Variants in PUM1 observed in about 807,000 individuals in gnomAD.
PUM1 encodes pumilio RNA binding family member 1.
PUM1 carries 13 observed loss-of-function variants against 131.8 expected under a neutral mutation model. That is an observed-to-expected ratio of 0.10 (90% CI 0.06 to 0.16). The LOEUF (loss-of-function observed/expected upper bound fraction) is 0.16. Among genes scored for constraint, PUM1 ranks in the 10% least tolerant of loss-of-function variants. PUM1 has a pLI of 1.00. For synonymous variants in PUM1, 509 were observed against 556.5 expected, an observed-to-expected ratio of 0.91 and a Z score of 1.20; for missense variants, 961 against 1,512.4, an observed-to-expected ratio of 0.64 and a Z score of 6.05.
chr1:30,945,260 T>C, intron 18 of PUM1, 86 bp downstream of exon 18: 2 of 1,484,380 alleles, frequency 1.3e-6, no homozygotes, highest in Non-Finnish European at 1.9e-6. Context: ...ATTAAGCATA[T>C]TGAGAACATG....
At chr1:31,003,180 C>T (rs1426464989) in intron 5 of PUM1, among the ~76,000 whole-genome samples, 1 of 152,148 alleles carries the variant, frequency 6.6e-6, no homozygotes, top group Non-Finnish European at 1.5e-5. Flanking sequence ...TACGTGGATG[C>T]CCTGACCCCA....
intron 7 of PUM1, among the ~76,000 whole-genome samples, chr1:30,988,703 C>T (rs61741240): frequency 9.5e-4 from 145 of 152,340 alleles, no homozygotes; most frequent in African/African-American, 3.3e-3. Flanking sequence ...ATCTGTACCT[C>T]CTTGTCCTCT....
intron 15 of PUM1, 70 bp from the exon 16 acceptor site, chr1:30,952,433 GTT>G: frequency 6.2e-7 from 1 of 1,603,900 alleles, no homozygotes; most frequent in South Asian, 1.1e-5. Flanking sequence ...GTGTACCTCG[GTT>G]TATAGACTGC....
In PUM1 at chr1:30,978,048, C is replaced by T. The variant is rs202206528; in HGVS notation, c.1354+2014G>A. ...TCACTTTAAGTCAGGAGTTTGAGACCAGCCTGGCAAACATGGCAAAACCCC... is the reference window on the plus strand; with the variant it reads ...TCACTTTAAGTCAGGAGTTTGAGACTAGCCTGGCAAACATGGCAAAACCCC... On this transcript the variant is annotated intron_variant, in intron 9 of 21. Coordinates refer to ENST00000426105, the MANE Select transcript of PUM1 (RefSeq NM_001020658.2). Among the ~76,000 whole-genome samples the T allele has an allele frequency of 6.6e-5, 10 of 152,204 alleles. No individual in the cohort carries two copies. The East Asian group carries it at 1.9e-3, about 29-fold the overall frequency.
intron 5 of PUM1, among the ~76,000 whole-genome samples, chr1:31,000,120 G>A (rs568973276): frequency 7.2e-5 from 11 of 152,246 alleles, no homozygotes; most frequent in South Asian, 2.1e-4. Flanking sequence ...CAAATAGCTC[G>A]GGTAAGTATC....
chr1:31,055,997 A>T (rs6704412), intron 2 of PUM1, among the ~76,000 whole-genome samples: 42,502 of 152,032 alleles, frequency 0.28, 7,588 homozygotes, highest in East Asian at 0.53. Context: ...GCCAAATAGT[A>T]CAGAGATTAC....
chr1:31,053,086 C>A (rs1204265305), intron 2 of PUM1, among the ~76,000 whole-genome samples: 3 of 150,790 alleles, frequency 2.0e-5, no homozygotes, highest in Admixed American at 2.0e-4. Flanking sequence ...GATCTCGGCT[C>A]ACTGCAACCT....
At chr1:30,998,907 G>A (rs1642082660) in intron 5 of PUM1, among the ~76,000 whole-genome samples, 1 of 152,296 alleles carries the variant, frequency 6.6e-6, no homozygotes, top group East Asian at 1.9e-4. Context: ...GACAATAGAA[G>A]AAAGGTATAA....
chr1:31,062,866 T>C (rs753767401), intron 1 of PUM1, among the ~76,000 whole-genome samples: 10 of 152,210 alleles, frequency 6.6e-5, no homozygotes, highest in Non-Finnish European at 1.0e-4. Flanking sequence ...ATTCATGTTT[T>C]TGAAGCCAGC....
At chr1:30,974,862 T>C in intron 9 of PUM1, 60 bp from the exon 10 acceptor site, 2 of 1,399,828 alleles carry the variant, frequency 1.4e-6, no homozygotes, top group African/African-American at 1.4e-5. Context: ...TCTCAGCCTT[T>C]CCAAAATTAC....
In PUM1 at chr1:30,945,816, TGC is replaced by T. The variant is rs1413839845; in HGVS notation, c.2857-335_2857-334del. ...TTTTATTTTTTTTGAGACGGAGTCT[TGC>T]TCTGTTACCCAGGCTAGAGTACAGT... On this transcript the variant is annotated intron_variant, in intron 17 of 21. Transcript: ENST00000426105. 5.2e-3 allele frequency among the ~76,000 whole-genome samples: 795 copies of T among 152,278 alleles called. 5 individuals are homozygous for T. Among genetic ancestry groups the T allele is most frequent in the African/African-American group, 0.018 (734 of 41,566 alleles).
At chr1:30,992,362 G>A (rs1444986609) in intron 7 of PUM1, 28 bp downstream of exon 7, 6 of 1,602,686 alleles carry the variant, frequency 3.7e-6, no homozygotes, top group African/African-American at 2.7e-5. Context: ...AGGGAGAGTA[G>A]AGAGGGTGAC....
At chr1:30,973,330 A>G (rs1427275760) in intron 10 of PUM1, among the ~76,000 whole-genome samples, 1 of 151,512 alleles carries the variant, frequency 6.6e-6, no homozygotes, top group Non-Finnish European at 1.5e-5. Context: ...TGGATCATTT[A>G]ATATATTCAT....
At position 31,005,952 on chromosome 1, in the gene PUM1, T is replaced by C. The variant is rs766768060; in HGVS notation, c.621A>G (p.Val207=). ...SFHVNSEVNS[V]LSPRSESGGL... ...CCCCACTCTCCGATCGTGGGGACAG[T>C]ACAGAATTGACCTCACTGTTCACAT... is the stretch of plus-strand genomic sequence containing the variant. The change falls in exon 5 of 22, where the codon GTA becomes GTG. Residue 207 remains valine (V), a synonymous_variant. Transcript: ENST00000426105. 1.9e-6 allele frequency: 3 copies of C among 1,613,828 alleles called. No homozygotes were observed. The East Asian group carries it at 6.7e-5, about 36-fold the overall frequency.
At chr1:30,938,802 T>C (rs1639317804) in intron 20 of PUM1, among the ~76,000 whole-genome samples, 1 of 152,028 alleles carries the variant, frequency 6.6e-6, no homozygotes. Flanking sequence ...GAGGCAGAGC[T>C]TGCAGTAAGC....
chr1:31,060,906 T>A (rs1318897340), intron 1 of PUM1, among the ~76,000 whole-genome samples: 4 of 149,660 alleles, frequency 2.7e-5, no homozygotes, highest in Non-Finnish European at 5.9e-5. Flanking sequence ...AAAAAAATAA[T>A]AAATAAATAA....
intron 14 of PUM1, among the ~76,000 whole-genome samples, chr1:30,963,483 A>G (rs1640500945): frequency 6.6e-6 from 1 of 152,230 alleles, no homozygotes; most frequent in South Asian, 2.1e-4. Context: ...ACACATGCCA[A>G]TGTGTATATA....
At chr1:31,021,969 AT>A (rs1296798423) in intron 3 of PUM1, among the ~76,000 whole-genome samples, 2 of 152,162 alleles carry the variant, frequency 1.3e-5, no homozygotes, top group African/African-American at 4.8e-5. Context: ...AGGCATCATA[AT>A]ATTGCAGGAC....
intron 2 of PUM1, among the ~76,000 whole-genome samples, chr1:31,042,221 G>A (rs1047397366): frequency 6.6e-6 from 1 of 151,908 alleles, no homozygotes; most frequent in Non-Finnish European, 1.5e-5. Flanking sequence ...CATGAGAATC[G>A]CTTGAATCCA....
Sources: gnomAD v4.1 joint callset for allele counts (sites outside exome capture counted in the v4.1 genomes callset) on GRCh38, gnomAD v4.1.1 for gene constraint, MANE v1.5 for transcripts, NCBI Gene and HGNC (gene_info 2026-07-23, HGNC 2026-07-21) for gene names.